The following ADAMTS12 variants were observed in gnomAD, a reference collection of about 807,000 sequenced individuals.
The protein encoded by ADAMTS12 is A disintegrin and metalloproteinase with thrombospondin motifs 12.
In ADAMTS12, 118 loss-of-function variants were observed where a neutral mutation model predicts 167.8. That is an observed-to-expected ratio of 0.70 (90% confidence interval 0.61 to 0.82). The LOEUF (loss-of-function observed/expected upper bound fraction) is 0.82, where lower values mean the gene tolerates loss of function less well. Among genes scored for constraint, ADAMTS12 ranks in the 40% least tolerant of loss-of-function variants. The pLI is 0.00. For missense variants in ADAMTS12, 1,916 were observed against 1,998.8 expected, an observed-to-expected ratio of 0.96 and a Z score of 0.79; for synonymous variants, 704 against 716.9, an observed-to-expected ratio of 0.98 and a Z score of 0.29.
chr5:33,639,037 CT>C (rs1740327614), intron 11 of ADAMTS12, among the ~76,000 whole-genome samples: 1 of 152,098 alleles, frequency 6.6e-6, no homozygotes, highest in African/African-American at 2.4e-5. Context: ...TTGGTATTAT[CT>C]TTTTGTTAGA....
At chr5:33,815,269 T>C (rs968274907) in intron 2 of ADAMTS12, among the ~76,000 whole-genome samples, 2 of 152,186 alleles carry the variant, frequency 1.3e-5, no homozygotes, top group Admixed American at 6.5e-5. Flanking sequence ...AAGTCATAGA[T>C]TGAAGCCCCA....
chr5:33,799,099 T>A (rs938349639), intron 2 of ADAMTS12, among the ~76,000 whole-genome samples: 8 of 152,090 alleles, frequency 5.3e-5, no homozygotes, highest in Middle Eastern at 3.2e-3. Flanking sequence ...AGGCAGCGCA[T>A]GAGGGATGAG....
chr5:33,872,596 C>T (rs1028351597), intron 2 of ADAMTS12, among the ~76,000 whole-genome samples: 5 of 151,912 alleles, frequency 3.3e-5, no homozygotes, highest in Non-Finnish European at 5.9e-5. Context: ...AGACCAATTT[C>T]TCTGATAAAC....
rs1321736270 is a variant in ADAMTS12 at position 33,525,629 on chromosome 5, T to A, written c.*1559A>T. ...CATCTAGATATTAGCACCATTTTTT[T>A]AATAGCACCATTCTGCTGAACGGAT... is the stretch of plus-strand genomic sequence containing the variant. On this transcript the variant is annotated 3_prime_UTR_variant, in exon 24 of 24. Coordinates refer to ENST00000504830, the MANE Select transcript of ADAMTS12 (RefSeq NM_030955.4). 1 of 152,194 alleles carries A rather than the reference T, an allele frequency of 6.6e-6. No individual in the cohort carries two copies. The highest frequency in any genetic ancestry group is 6.5e-5 in the Admixed American group (1 of 15,282). The allele number at this position is 152,194 out of a possible 1,614,324, so 9.4% of individuals were successfully genotyped here. A position where few individuals can be genotyped will look rare whatever the true frequency, so the allele number is the denominator to read the frequency against.
At chr5:33,864,788 A>G (rs1749750296) in intron 2 of ADAMTS12, among the ~76,000 whole-genome samples, 1 of 152,214 alleles carries the variant, frequency 6.6e-6, no homozygotes, top group African/African-American at 2.4e-5. Flanking sequence ...GAGCTGAACA[A>G]TGAGAACACA....
rs139590845 is a variant in ADAMTS12, at chr5:33,622,863, A to G, written c.2143+1368T>C. ...GTTATCATTCACATTCCAAATAAGT[A>G]ATTCAGAGAGTATTTTTCATCCATA... On this transcript the variant is annotated intron_variant, in intron 14 of 23. Coordinates refer to ENST00000504830, the MANE Select transcript of ADAMTS12 (RefSeq NM_030955.4). 2.9e-3 allele frequency among the ~76,000 whole-genome samples: 435 copies of G among 152,320 alleles called. 4 individuals are homozygous for G. Among genetic ancestry groups the G allele is most frequent in the African/African-American group, 1.0e-2 (415 of 41,570 alleles).
At chr5:33,770,234 C>T (rs1273892940) in intron 2 of ADAMTS12, among the ~76,000 whole-genome samples, 1 of 152,116 alleles carries the variant, frequency 6.6e-6, no homozygotes, top group African/African-American at 2.4e-5. Context: ...TGGTTGCTTC[C>T]AATTTTGAAC....
At chr5:33,827,677 C>A (rs957374413) in intron 2 of ADAMTS12, among the ~76,000 whole-genome samples, 3 of 151,138 alleles carry the variant, frequency 2.0e-5, no homozygotes, top group Non-Finnish European at 4.4e-5. Flanking sequence ...TGACATGTAT[C>A]CTCGCATTTG....
intron 18 of ADAMTS12, among the ~76,000 whole-genome samples, chr5:33,580,543 T>G (rs970295015): frequency 6.6e-5 from 10 of 152,200 alleles, no homozygotes; most frequent in African/African-American, 2.2e-4. Flanking sequence ...GCCAGACCAT[T>G]TCAGCTACCT....
chr5:33,731,698 G>A (rs1316838220), intron 3 of ADAMTS12, among the ~76,000 whole-genome samples: 2 of 152,170 alleles, frequency 1.3e-5, no homozygotes, highest in Non-Finnish European at 2.9e-5. Flanking sequence ...AGTGTGAAAA[G>A]GCAGCACTCA....
intron 5 of ADAMTS12, among the ~76,000 whole-genome samples, chr5:33,674,554 G>A (rs978227522): frequency 9.2e-5 from 14 of 152,068 alleles, no homozygotes; most frequent in African/African-American, 3.1e-4. Flanking sequence ...AGTTGGACAC[G>A]TTTGCTTACA....
intron 3 of ADAMTS12, among the ~76,000 whole-genome samples, chr5:33,695,271 T>G (rs1052461287): frequency 6.6e-6 from 1 of 152,192 alleles, no homozygotes; most frequent in African/African-American, 2.4e-5. Flanking sequence ...CCTCACCTTG[T>G]GAAATGGCTG....
At chr5:33,556,843 C>T (rs766979416) in intron 20 of ADAMTS12, among the ~76,000 whole-genome samples, 2 of 152,238 alleles carry the variant, frequency 1.3e-5, no homozygotes, top group Middle Eastern at 3.4e-3. Context: ...GTGTGGGAGC[C>T]GGACTAAGCA....
chr5:33,584,209 G>T (rs1458798806), intron 18 of ADAMTS12, among the ~76,000 whole-genome samples: 1 of 152,044 alleles, frequency 6.6e-6, no homozygotes, highest in Admixed American at 6.5e-5. Context: ...GATTAAATGT[G>T]CTAATACCCA....
chr5:33,524,353 A>G lies in ADAMTS12; in HGVS notation c.*2835T>C, dbSNP rs1743711006. The G allele has an allele frequency of 6.6e-6, 1 of 152,242 alleles. No homozygotes were observed. Among genetic ancestry groups the G allele is most frequent in the Non-Finnish European group, 1.5e-5 (1 of 68,046 alleles). 9.4% of individuals were successfully genotyped at this position (152,242 alleles called of 1,614,324 possible). ...ACAACTTTCCAGAGAAGAGCTAAAT[A>G]TACTACTGTGAAAGACAACGTAAAC... On this transcript the variant is annotated 3_prime_UTR_variant, in exon 24 of 24. Transcript: ENST00000504830.
chr5:33,546,005 T>C, intron 22 of ADAMTS12, 54 bp downstream of exon 22: 1 of 1,473,260 alleles, frequency 6.8e-7, no homozygotes. Flanking sequence ...GAACTTAAAG[T>C]ATTAAAAAAA....
chr5:33,781,697 T>A lies in ADAMTS12; in HGVS notation c.490-30149A>T, dbSNP rs189717421. ...ATCAACCTGTAAACTCTTTTTTTTTTATTTTATTATTATTATACTTTAAGT... is the reference window on the plus strand; with the variant it reads ...ATCAACCTGTAAACTCTTTTTTTTTAATTTTATTATTATTATACTTTAAGT... On this transcript the variant is annotated intron_variant, in intron 2 of 23. Transcript: ENST00000504830. 2.2e-4 allele frequency among the ~76,000 whole-genome samples: 33 copies of A among 151,858 alleles called. No individual in the cohort carries two copies. In the East Asian group the frequency reaches 4.2e-3, roughly 20 times the overall value.
intron 2 of ADAMTS12, among the ~76,000 whole-genome samples, chr5:33,764,884 C>T (rs979603895): frequency 2.0e-5 from 3 of 151,926 alleles, no homozygotes; most frequent in Non-Finnish European, 2.9e-5. Flanking sequence ...TTTGCACCCC[C>T]GATTCTTACC....
rs1048425985 is a variant in ADAMTS12, at chr5:33,745,444, T to C, written c.634+5960A>G. Among the ~76,000 whole-genome samples, 3 of 152,332 alleles carry C rather than the reference T, an allele frequency of 2.0e-5. No homozygotes were observed. In the East Asian group the frequency reaches 5.8e-4, roughly 29 times the overall value. On this transcript the variant is annotated intron_variant, in intron 3 of 23. Coordinates refer to ENST00000504830, the MANE Select transcript of ADAMTS12 (RefSeq NM_030955.4). ...AAAAGAACCATCTATCAGGTGAAAC[T>C]GATCCTTTGCTCATATTGTTCCAAA...
Sources: allele counts gnomAD v4.1 joint callset (sites outside exome capture counted in the v4.1 genomes callset), GRCh38; gene constraint gnomAD v4.1.1; transcripts MANE v1.5; gene names NCBI Gene and HGNC (gene_info 2026-07-23, HGNC 2026-07-21).